TBC1D22A: variants seen among roughly 807,000 people sequenced by gnomAD.
The protein encoded by TBC1D22A is TBC1 domain family member 22A, also known as putative GTPase activator.
A neutral mutation model predicts 60.2 loss-of-function variants in TBC1D22A; 38 were observed. That is an observed-to-expected ratio of 0.63 (90% CI 0.49 to 0.83). TBC1D22A has a LOEUF of 0.83. TBC1D22A is among the 40% of genes least tolerant of loss of function. The pLI is 0.00. For synonymous variants in TBC1D22A, 302 were observed against 281.7 expected (o/e 1.07, Z -0.72); for missense variants, 628 against 701.0 (o/e 0.90, Z 1.18).
At chr22:46,880,655 G>A (rs2067804621) in intron 5 of TBC1D22A, among the ~76,000 whole-genome samples, 1 of 152,110 alleles carries the variant, frequency 6.6e-6, no homozygotes. Context: ...AGGATGGACA[G>A]GACACGAGTA....
chr22:46,929,150 G>C (rs1389992014), intron 8 of TBC1D22A, among the ~76,000 whole-genome samples: 1 of 152,206 alleles, frequency 6.6e-6, no homozygotes, highest in African/African-American at 2.4e-5. Context: ...TCATTATCCC[G>C]TTGTAAGGAG....
intron 11 of TBC1D22A, among the ~76,000 whole-genome samples, chr22:47,110,652 A>C (rs1205974518): frequency 6.6e-6 from 1 of 152,076 alleles, no homozygotes; most frequent in Non-Finnish European, 1.5e-5. Context: ...ATCACCATCT[A>C]ATGCACTGTG....
At chr22:47,143,075 G>C (rs1319275614) in intron 12 of TBC1D22A, among the ~76,000 whole-genome samples, 1 of 151,988 alleles carries the variant, frequency 6.6e-6, no homozygotes, top group Non-Finnish European at 1.5e-5. Flanking sequence ...ACTCCCCAGA[G>C]GAAGGTACTG....
intron 7 of TBC1D22A, among the ~76,000 whole-genome samples, chr22:46,902,814 G>A (rs1176886952): frequency 2.6e-5 from 4 of 152,254 alleles, no homozygotes; most frequent in East Asian, 1.9e-4. Context: ...GTGGGGACAC[G>A]AAGACTCAGA....
At chr22:46,776,885 C>G (rs1050534811) in intron 1 of TBC1D22A, among the ~76,000 whole-genome samples, 52 of 151,952 alleles carry the variant, frequency 3.4e-4, no homozygotes, top group African/African-American at 1.2e-3. Flanking sequence ...GAGTTCTTCC[C>G]CAAGGCCTGT....
At chr22:47,171,673 C>T (rs1207399068) in intron 12 of TBC1D22A, among the ~76,000 whole-genome samples, 1 of 152,208 alleles carries the variant, frequency 6.6e-6, no homozygotes, top group Non-Finnish European at 1.5e-5. Context: ...GAGACCTGCC[C>T]TGCCCTTGGT....
chr22:46,919,650 G>C (rs2070616604), intron 8 of TBC1D22A, among the ~76,000 whole-genome samples: 1 of 151,624 alleles, frequency 6.6e-6, no homozygotes, highest in Non-Finnish European at 1.5e-5. Context: ...CCTGCCCATA[G>C]CATTGTGGGA....
At chr22:46,818,719 A>G (rs541876292) in intron 4 of TBC1D22A, among the ~76,000 whole-genome samples, 3 of 152,112 alleles carry the variant, frequency 2.0e-5, no homozygotes, top group Non-Finnish European at 2.9e-5. Flanking sequence ...TCTTGGCTAT[A>G]TGGGGTTTGA....
intron 7 of TBC1D22A, among the ~76,000 whole-genome samples, chr22:46,896,005 C>T (rs1033099555): frequency 6.6e-6 from 1 of 152,164 alleles, no homozygotes; most frequent in Non-Finnish European, 1.5e-5. Flanking sequence ...AGTGTTCCCT[C>T]CGCACGCCGC....
intron 7 of TBC1D22A, among the ~76,000 whole-genome samples, chr22:46,904,345 G>A (rs959761064): frequency 2.0e-5 from 3 of 152,090 alleles, no homozygotes; most frequent in Admixed American, 1.3e-4. Context: ...TGTCTATGTG[G>A]CGAGCTCATT....
intron 8 of TBC1D22A, among the ~76,000 whole-genome samples, chr22:46,917,547 G>A (rs959100516): frequency 6.6e-6 from 1 of 152,158 alleles, no homozygotes; most frequent in Non-Finnish European, 1.5e-5. Context: ...GATGAGACGT[G>A]GAGTAGAAAG....
intron 11 of TBC1D22A, among the ~76,000 whole-genome samples, chr22:47,073,434 A>G (rs2064083664): frequency 2.0e-5 from 3 of 152,212 alleles, no homozygotes; most frequent in Admixed American, 2.0e-4. Context: ...TGATATCAGA[A>G]GGCCCCGTGT....
At chr22:46,958,028 G>A (rs1356490982) in intron 8 of TBC1D22A, among the ~76,000 whole-genome samples, 1 of 152,044 alleles carries the variant, frequency 6.6e-6, no homozygotes, top group African/African-American at 2.4e-5. Context: ...GGTTGGGGGA[G>A]TGATGGGGTA....
rs983396955 is a variant in TBC1D22A at position 46,781,208 on chromosome 22, C to G, written c.63-11312C>G. On this transcript the variant is annotated intron_variant, in intron 1 of 12. Transcript: ENST00000337137. ...AGTGCAGTTGCTGGTGCTGGTGTTG[C>G]TGGTGTCACTGCTGGAGTGCAGTGG... is the stretch of plus-strand genomic sequence containing the variant. Among the ~76,000 whole-genome samples, 9 of 147,538 alleles carry G rather than the reference C, an allele frequency of 6.1e-5. No homozygotes were observed. In the South Asian group the frequency reaches 8.6e-4, roughly 14 times the overall value.
At chr22:46,861,964 G>A (rs1021965641) in intron 4 of TBC1D22A, among the ~76,000 whole-genome samples, 2 of 152,174 alleles carry the variant, frequency 1.3e-5, no homozygotes, top group African/African-American at 4.8e-5. Flanking sequence ...GAGGGACTGG[G>A]CATGTGGTGT....
intron 6 of TBC1D22A, 59 bp from the exon 7 acceptor site, chr22:46,894,725 C>G: frequency 6.3e-7 from 1 of 1,595,110 alleles, no homozygotes; most frequent in Non-Finnish European, 8.6e-7. Context: ...TTAATCATAT[C>G]GCTCGTAATG....
chr22:46,781,939 A>T (rs981673485), intron 1 of TBC1D22A, among the ~76,000 whole-genome samples: 2 of 152,152 alleles, frequency 1.3e-5, no homozygotes, highest in African/African-American at 4.8e-5. Context: ...AGTCCTCCTC[A>T]AGTTTGGGGG....
At chr22:46,793,880 G>T in intron 3 of TBC1D22A, 39 bp downstream of exon 3, 1 of 1,491,744 alleles carries the variant, frequency 6.7e-7, no homozygotes, top group Non-Finnish European at 8.9e-7. Flanking sequence ...TGGGTTTCTG[G>T]CCAAGCTAAG....
intron 4 of TBC1D22A, among the ~76,000 whole-genome samples, chr22:46,864,507 C>T (rs771059809): frequency 6.6e-6 from 1 of 152,218 alleles, no homozygotes; most frequent in Non-Finnish European, 1.5e-5. Flanking sequence ...ACTTATTTCT[C>T]AGGCCTCCTG....
Sources: allele counts gnomAD v4.1 joint callset (sites outside exome capture counted in the v4.1 genomes callset), GRCh38; gene constraint gnomAD v4.1.1; transcripts MANE v1.5; gene names NCBI Gene and HGNC (gene_info 2026-07-23, HGNC 2026-07-21).